Variants in ANKAR observed in about 807,000 individuals in gnomAD.
The protein encoded by ANKAR is ankyrin and armadillo repeat-containing protein.
A neutral mutation model predicts 146.2 loss-of-function variants in ANKAR; 136 were observed. The observed-to-expected ratio is 0.93, with a 90% CI of 0.81 to 1.07. ANKAR has a LOEUF of 1.07. Ranked by LOEUF, ANKAR falls within the 50% of genes least tolerant of loss-of-function variation. ANKAR has a pLI of 0.00. For synonymous variants in ANKAR, 500 were observed against 575.8 expected (o/e 0.87, Z 1.88); for missense variants, 1,567 against 1,679.9 (o/e 0.93, Z 1.18).
intron 12 of ANKAR, among the ~76,000 whole-genome samples, chr2:189,726,460 T>C (rs909402703): frequency 1.3e-5 from 2 of 152,132 alleles, no homozygotes; most frequent in Admixed American, 1.3e-4. Flanking sequence ...AATGTCACTT[T>C]AAAAATATTC....
intron 10 of ANKAR, among the ~76,000 whole-genome samples, chr2:189,712,762 A>G (rs2039881834): frequency 6.6e-6 from 1 of 152,220 alleles, no homozygotes; most frequent in African/African-American, 2.4e-5. Flanking sequence ...AAAGCTGGAC[A>G]GAGAATGACT....
In ANKAR at chr2:189,728,756, G is replaced by C. The variant is rs372369306; in HGVS notation, c.3128G>C (p.Arg1043Thr). 15 of 1,613,846 alleles carry C rather than the reference G, an allele frequency of 9.3e-6. No individual in the cohort carries two copies. The highest frequency in any genetic ancestry group is 1.7e-5 in the Admixed American group (1 of 59,976). ...NGIAPLVRLL[R>T]ISTIAEGTLL... ...ATTGCACCATTGGTTCGCTTACTAAGAATTAGTACGATTGCTGAAGGCACA... is the reference window on the plus strand; with the variant it reads ...ATTGCACCATTGGTTCGCTTACTAACAATTAGTACGATTGCTGAAGGCACA... Residue 1043 changes from arginine to threonine, a missense_variant, in exon 15 of 23, where the codon AGA becomes ACA. Transcript: ENST00000684021.
intron 10 of ANKAR, among the ~76,000 whole-genome samples, chr2:189,714,113 A>G (rs1247039644): frequency 6.6e-6 from 1 of 152,200 alleles, no homozygotes; most frequent in Non-Finnish European, 1.5e-5. Context: ...TTCATAAAGC[A>G]AGTTCTTAGA....
chr2:189,745,636 C>T (rs778690869), intron 22 of ANKAR, among the ~76,000 whole-genome samples: 1 of 152,174 alleles, frequency 6.6e-6, no homozygotes, highest in Non-Finnish European at 1.5e-5. Flanking sequence ...CTGCTTAGTG[C>T]TTGTTCGTGT....
chr2:189,751,833 A>AACTTT (rs1408887521), intron 18 of ANKAR, among the ~76,000 whole-genome samples: 2 of 150,862 alleles, frequency 1.3e-5, no homozygotes, highest in African/African-American at 4.9e-5. Flanking sequence ...TTCCAGAATT[A>AACTTT]AAACAGAATT....
At chr2:189,724,884 G>A (rs1474280697) in intron 12 of ANKAR, among the ~76,000 whole-genome samples, 1 of 152,006 alleles carries the variant, frequency 6.6e-6, no homozygotes, top group Non-Finnish European at 1.5e-5. Context: ...AAGGCTGGGG[G>A]AAATGAAAAC....
chr2:189,751,444 G>GT (rs779920289), downstream of ANKAR, among the ~76,000 whole-genome samples: 28,572 of 126,052 alleles, frequency 0.23, 3,791 homozygotes, highest in African/African-American at 0.31. Flanking sequence ...GACAAGTTGT[G>GT]TTTTTTTTTT....
intron 18 of ANKAR, chr2:189,755,179 A>T: frequency 6.9e-6 from 11 of 1,601,230 alleles, no homozygotes; most frequent in Non-Finnish European, 9.3e-6. Context: ...TTACCTTGTC[A>T]AGCATGTCAC....
chr2:189,717,814 A>G, intron 10 of ANKAR, among the ~76,000 whole-genome samples: 1 of 152,200 alleles, frequency 6.6e-6, no homozygotes, highest in East Asian at 1.9e-4. Context: ...GGAAACCATC[A>G]TTCTGAGCAA....
intron 18 of ANKAR, among the ~76,000 whole-genome samples, chr2:189,758,518 C>T (rs951917686): frequency 2.6e-5 from 4 of 152,234 alleles, no homozygotes; most frequent in African/African-American, 7.2e-5. Context: ...GATGCTGCCA[C>T]GCTTCCTACA....
chr2:189,745,099 G>A (rs1042990667), intron 22 of ANKAR, among the ~76,000 whole-genome samples: 3 of 151,376 alleles, frequency 2.0e-5, no homozygotes, highest in Non-Finnish European at 4.4e-5. Context: ...GCTGAGGCAG[G>A]AGAATCGCTT....
intron 15 of ANKAR, among the ~76,000 whole-genome samples, chr2:189,729,715 T>TGTGTGTGTGTGTGTGTGTGTGTG (rs61101787): frequency 7.1e-6 from 1 of 141,484 alleles, no homozygotes; most frequent in Non-Finnish European, 1.5e-5. Context: ...TGTGTGTGTG[T>TGTGTGTGTGTGTGTGTGTGTGTG]GGTGCGGGTG....
At chr2:189,754,114 G>A (rs1353935804) in intron 18 of ANKAR, 1 of 1,611,814 alleles carries the variant, frequency 6.2e-7, no homozygotes, top group Non-Finnish European at 8.5e-7. Flanking sequence ...ATATTTATCT[G>A]TTCAACTTTA....
chr2:189,745,021 C>A (rs28533703), intron 22 of ANKAR, among the ~76,000 whole-genome samples: 613 of 41,138 alleles, frequency 0.015, 2 homozygotes, highest in South Asian at 0.031. Flanking sequence ...ACTACTACTA[C>A]TACTACTAAT....
intron 5 of ANKAR, 26 bp downstream of exon 5, chr2:189,693,203 C>A: frequency 1.4e-6 from 2 of 1,408,008 alleles, no homozygotes; most frequent in South Asian, 1.3e-5. Context: ...TAATTACTGA[C>A]ATTAACTACA....
chr2:189,679,926 T>G (rs113140539), intron 2 of ANKAR, among the ~76,000 whole-genome samples: 5,148 of 152,262 alleles, frequency 0.034, 296 homozygotes, highest in African/African-American at 0.12. Context: ...TTTTGTTATG[T>G]CCTTTCCTGG....
At chr2:189,762,930 C>T, downstream of ANKAR, 1 of 985,378 alleles carries the variant, frequency 1.0e-6, no homozygotes, top group Non-Finnish European at 1.2e-6. Flanking sequence ...CCCAGATTTG[C>T]AGGTGATGAG....
At chr2:189,692,572 C>A (rs1306137755) in intron 4 of ANKAR, 154 bp downstream of exon 4, 10 of 640,042 alleles carry the variant, frequency 1.6e-5, no homozygotes, top group Non-Finnish European at 2.3e-5. Flanking sequence ...ATTTTAACAT[C>A]AATGAATTAA....
downstream of ANKAR, among the ~76,000 whole-genome samples, chr2:189,747,646 T>C (rs563354043): frequency 4.7e-4 from 72 of 152,304 alleles, no homozygotes; most frequent in African/African-American, 1.7e-3. Flanking sequence ...CAGATAGATA[T>C]GATACAAACA....
Sources: allele counts gnomAD v4.1 joint callset (sites outside exome capture counted in the v4.1 genomes callset), GRCh38; gene constraint gnomAD v4.1.1; transcripts MANE v1.5; gene names NCBI Gene and HGNC (gene_info 2026-07-23, HGNC 2026-07-21).